Variants in MYO15A observed in about 807,000 individuals in gnomAD.
MYO15A encodes the protein unconventional myosin-XV.
A neutral mutation model predicts 394.6 loss-of-function variants in MYO15A; 308 were observed. That is an observed-to-expected ratio of 0.78 (90% CI 0.71 to 0.86). The LOEUF (loss-of-function observed/expected upper bound fraction) is 0.86, where lower values mean the gene tolerates loss of function less well. Ranked by LOEUF, MYO15A falls within the 40% of genes least tolerant of loss-of-function variation. The probability of loss-of-function intolerance (pLI) is 0.00; values close to 1 mark genes in which losing one functional copy is unlikely to be tolerated. For missense variants in MYO15A, 4,606 were observed against 4,799.1 expected (o/e 0.96, Z 1.19); for synonymous variants, 1,957 against 2,003.8 (o/e 0.98, Z 0.62).
rs1047204307 is a variant in MYO15A, at chr17:18,119,129, G to A, written c.329G>A (p.Arg110His). The A allele has an allele frequency of 3.1e-6, 5 of 1,611,880 alleles. No homozygotes were observed. Among genetic ancestry groups the A allele is most frequent in the African/African-American group, 1.3e-5 (1 of 74,922 alleles). Residue 110 changes from arginine to histidine, a missense_variant, in exon 2 of 66, where the codon CGC becomes CAC. Arg to His is a conservative substitution (Grantham distance 29, BLOSUM62 0). Coordinates refer to ENST00000647165, the MANE Select transcript of MYO15A (RefSeq NM_016239.4). The stretch of plus-strand genomic sequence containing the variant: ...AAGAAGCCGTCCTTCATGGTGATCC[G>A]CTTCCCAGGCCGCCGTGGCTACGGC... ...KGKKPSFMVI[R>H]FPGRRGYGRL...
At chr17:18,129,677 G>A (rs970781506) in intron 7 of MYO15A, among the ~76,000 whole-genome samples, 1 of 152,300 alleles carries the variant, frequency 6.6e-6, no homozygotes, top group African/African-American at 2.4e-5. Context: ...CCCTGGGCAT[G>A]TCATTTCACC....
chr17:18,161,641 G>A (rs1054045298), intron 57 of MYO15A, among the ~76,000 whole-genome samples, 194 bp downstream of exon 57: 1 of 152,238 alleles, frequency 6.6e-6, no homozygotes, highest in South Asian at 2.1e-4. Flanking sequence ...CTGATCTAAT[G>A]GAGGGGGTGG....
At chr17:18,135,668 G>A in intron 12 of MYO15A, 43 bp from the exon 13 acceptor site, 2 of 1,573,986 alleles carry the variant, frequency 1.3e-6, no homozygotes, top group South Asian at 1.1e-5. Flanking sequence ...TTTAAATTTA[G>A]CCTATCTAGT....
chr17:18,130,955 A>C, intron 8 of MYO15A, 145 bp downstream of exon 8: 1 of 954,372 alleles, frequency 1.0e-6, no homozygotes, highest in East Asian at 2.6e-5. Context: ...GGCCTGTCCT[A>C]GGCAGGGCTG....
chr17:18,157,931 G>GGGGGGCCC, intron 51 of MYO15A, 31 bp downstream of exon 51: 2 of 412,722 alleles, frequency 4.8e-6, no homozygotes, highest in Non-Finnish European at 9.0e-6. Context: ...GTGGGGCGGG[G>GGGGGGCCC]TAGACCAGGG....
chr17:18,138,881 A>G lies in MYO15A; in HGVS notation c.5078A>G (p.Lys1693Arg). Residue 1693 changes from lysine (K) to arginine (R), a missense_variant, in exon 18 of 66, where the codon AAG (lysine) becomes AGG (arginine). Lys to Arg is a conservative substitution (Grantham distance 26). This residue lies in a region of MYO15A where 2,776 missense variants were observed against 3,109.3 expected (regional missense o/e 0.89). Coordinates refer to ENST00000647165, the MANE Select transcript of MYO15A (RefSeq NM_016239.4). ...HGANPLYSKPKMPLPEFTIKH... is the reference protein window; with the variant it reads ...HGANPLYSKPRMPLPEFTIKH... The stretch of plus-strand genomic sequence containing the variant: ...GCCAACCCGCTCTATTCCAAACCCA[A>G]GATGCCGCTGCCTGAGTTCACCATC... 6.2e-7 allele frequency: 1 copy of G among 1,613,576 alleles called. No individual in the cohort carries two copies.
At position 18,178,797 on chromosome 17, in the gene MYO15A, T is replaced by A; in HGVS notation, c.10520T>A (p.Val3507Glu). 6.2e-7 allele frequency: 1 copy of A among 1,614,018 alleles called. No homozygotes were observed. Among genetic ancestry groups the A allele is most frequent in the Non-Finnish European group, 8.5e-7 (1 of 1,180,022 alleles). The change falls in exon 66 of 66, where the codon GTG (valine) becomes GAG (glutamate). Residue 3507 changes from valine to glutamate, a missense_variant. Physicochemically the swap from Val to Glu is moderately radical, Grantham distance 121. This residue lies in a region of MYO15A where 2,776 missense variants were observed against 3,109.3 expected (regional missense o/e 0.89). Coordinates refer to ENST00000647165, the MANE Select transcript of MYO15A (RefSeq NM_016239.4). Reference sequence around the variant, plus strand: ...CTGGAACTGTGTCGTGTGGTGGCCGTGCACGTGGAGAACCTGCTCAGTGCC... The same window carrying A: ...CTGGAACTGTGTCGTGTGGTGGCCGAGCACGTGGAGAACCTGCTCAGTGCC... ...QGLELCRVVA[V>E]HVENLLSAHE...
At position 18,119,144 on chromosome 17, in the gene MYO15A, G is replaced by C. The variant is rs756676520; in HGVS notation, c.344G>C (p.Arg115Pro). Residue 115 changes from arginine to proline, a missense_variant, in exon 2 of 66, where the codon CGT (arginine) becomes CCT (proline). Arg to Pro is a moderately radical substitution (Grantham distance 103). Transcript: ENST00000647165. ...SFMVIRFPGR[R>P]GYGRLRPRAR... ...ATGGTGATCCGCTTCCCAGGCCGCC[G>C]TGGCTACGGCCGCCTGCGGCCGCGC... is the stretch of plus-strand genomic sequence containing the variant. 2 of 1,611,720 alleles carry C rather than the reference G, an allele frequency of 1.2e-6. No individual in the cohort carries two copies. Among genetic ancestry groups the C allele is most frequent in the Non-Finnish European group, 1.7e-6 (2 of 1,179,540 alleles).
In MYO15A at chr17:18,148,123, G is replaced by A; in HGVS notation, c.6604G>A (p.Ala2202Thr). The change falls in exon 31 of 66, where the codon GCT becomes ACT. Residue 2202 changes from alanine to threonine, a missense_variant. By Grantham distance (58) the Ala-to-Thr change is moderately conservative. This residue lies in a region of MYO15A where 2,776 missense variants were observed against 3,109.3 expected (regional missense o/e 0.89). Coordinates refer to ENST00000647165, the MANE Select transcript of MYO15A (RefSeq NM_016239.4). The surrounding 1 kb of genome is among the most constrained non-coding windows in gnomAD (Gnocchi z 4.8). ...CCGGGCCCAACAGCAGGGCTCGGGG[G>A]CTGCCCGCACCTTACCCCCGACCCA... ...MGRAQQQGSG[A>T]ARTLPPTQLE... The A allele has an allele frequency of 6.2e-7, 1 of 1,613,850 alleles. No homozygotes were observed. Among genetic ancestry groups the A allele is most frequent in the Non-Finnish European group, 8.5e-7 (1 of 1,180,036 alleles).
intron 4 of MYO15A, among the ~76,000 whole-genome samples, chr17:18,125,905 A>G (rs2046029567): frequency 6.6e-6 from 1 of 151,924 alleles, no homozygotes; most frequent in Non-Finnish European, 1.5e-5. Flanking sequence ...TGACCTGAGA[A>G]TGACAGAACA....
chr17:18,136,507 G>A lies in MYO15A; in HGVS notation c.4655+32G>A, dbSNP rs116533939. 1.9e-4 allele frequency: 304 copies of A among 1,613,692 alleles called. No individual in the cohort carries two copies. The African/African-American group carries it at 3.3e-3, about 18-fold the overall frequency. On this transcript the variant is annotated intron_variant, in intron 14 of 65. Transcript: ENST00000647165. ...CCACGCCCTCCCCTGCCTGAGCCCC[G>A]AGGCCCAGCACCCCACCACGGTGTC...
rs374721919 is a variant in MYO15A at position 18,157,783 on chromosome 17, C to A, written c.8850C>A (p.Pro2950=). Reference sequence around the variant, plus strand: ...GCTTCCCTTCGGAGCTGGTGCAGCCCGCTGCTGCCCCCGACTTCCTGCAGC... The same window carrying A: ...GCTTCCCTTCGGAGCTGGTGCAGCCAGCTGCTGCCCCCGACTTCCTGCAGC... ...VGRFPSELVQ[P]AAAPDFLQLP... Residue 2950 remains proline, a synonymous_variant, in exon 51 of 66, where the codon CCC becomes CCA. Transcript: ENST00000647165. 9.3e-5 allele frequency: 149 copies of A among 1,604,294 alleles called. No homozygotes were observed. The highest frequency in any genetic ancestry group is 1.2e-4 in the Non-Finnish European group (146 of 1,179,554).
intron 61 of MYO15A, among the ~76,000 whole-genome samples, chr17:18,167,335 G>C (rs772573434): frequency 1.3e-5 from 2 of 152,214 alleles, no homozygotes; most frequent in Non-Finnish European, 2.9e-5. Context: ...TTGATGCTCT[G>C]CTCTCACCAG....
rs1438763545 is a variant in MYO15A, at chr17:18,119,576, C to T, written c.776C>T (p.Pro259Leu). The T allele has an allele frequency of 1.2e-6, 2 of 1,605,936 alleles. No individual in the cohort carries two copies. The highest frequency in any genetic ancestry group is 1.7e-5 in the Admixed American group (1 of 60,014). Residue 259 changes from proline (P) to leucine (L), a missense_variant, in exon 2 of 66, where the codon CCC (proline) becomes CTC (leucine). By Grantham distance (98) the Pro-to-Leu change is moderately conservative. Around this residue, in one of 2 missense-constraint regions of MYO15A, gnomAD observed 1,830 missense variants for 1,689.7 expected, o/e 1.08. Coordinates refer to ENST00000647165, the MANE Select transcript of MYO15A (RefSeq NM_016239.4). ...QSLHRYEEQE[P>L]YLAGLGPYSP... is the part of the protein sequence containing the mutation. ...CTCCACCGCTACGAGGAGCAGGAACCCTACCTGGCGGGCCTCGGCCCCTAC... is the reference window on the plus strand; with the variant it reads ...CTCCACCGCTACGAGGAGCAGGAACTCTACCTGGCGGGCCTCGGCCCCTAC...
rs760227876 is a variant in MYO15A, at chr17:18,119,741, C to A, written c.941C>A (p.Pro314His). ...GGCTACGGCTACGACGATTACGAAC[C>A]CCCATATGCGCCCCCGTCGGGGTAC... ...TYGYGYDDYE[P>H]PYAPPSGYSS... The change falls in exon 2 of 66, where the codon CCC becomes CAC. Residue 314 changes from proline (P) to histidine (H), a missense_variant. This residue lies in a region of MYO15A where 1,830 missense variants were observed against 1,689.7 expected (regional missense o/e 1.08). Coordinates refer to ENST00000647165, the MANE Select transcript of MYO15A (RefSeq NM_016239.4). 1 of 1,612,772 alleles carries A rather than the reference C, an allele frequency of 6.2e-7. No individual in the cohort carries two copies.
At position 18,147,896 on chromosome 17, in the gene MYO15A, T is replaced by A; in HGVS notation, c.6510-133T>A. On this transcript the variant is annotated intron_variant, in intron 30 of 65. Transcript: ENST00000647165. This position sits in a 1 kb window ranked among gnomAD's most constrained non-coding sequence, Gnocchi z 4.4. The stretch of plus-strand genomic sequence containing the variant: ...GAACCAGCCTGGAGCCTTTTTAGCC[T>A]CACCTTGGAGCTCTGGAGTAGCCTG... The A allele has an allele frequency of 1.7e-6, 2 of 1,176,374 alleles. No homozygotes were observed. Among genetic ancestry groups the A allele is most frequent in the Non-Finnish European group, 2.5e-6 (2 of 803,972 alleles). The allele number at this position is 1,176,374 out of a possible 1,614,324, so 72.9% of individuals were successfully genotyped here.
At chr17:18,123,044 A>T (rs1241412443) in intron 2 of MYO15A, 1 of 152,506 alleles carries the variant, frequency 6.6e-6, no homozygotes, top group Admixed American at 6.5e-5. Flanking sequence ...AGCCCTTCGG[A>T]TGGGTGCCCA....
Position 18,150,697 on chromosome 17 carries a change from G to T in MYO15A, c.7328-1G>T, listed in dbSNP as rs759532013. On this transcript the variant is annotated splice_acceptor_variant, in intron 36 of 65. Transcript: ENST00000647165. LOFTEE classifies it high-confidence loss of function. The surrounding 1 kb of genome is among the most constrained non-coding windows in gnomAD (Gnocchi z 4.4). ...CTGTGCCTTCTGCCCCCTCCCCTCA[G>T]TCCCAGGCCTGGATGCCTCCACATT... The T allele has an allele frequency of 1.9e-6, 3 of 1,590,086 alleles. No homozygotes were observed. The South Asian group carries it at 3.4e-5, about 18-fold the overall frequency.
At chr17:18,137,740 G>A in intron 16 of MYO15A, 61 bp downstream of exon 16, 1 of 1,533,060 alleles carries the variant, frequency 6.5e-7, no homozygotes, top group South Asian at 1.1e-5. Flanking sequence ...CCTCCTTGGA[G>A]ACAGATGAGG....
Sources: allele counts gnomAD v4.1 joint callset (sites outside exome capture counted in the v4.1 genomes callset), GRCh38; gene constraint gnomAD v4.1.1; regional missense constraint gnomAD v4.1.1; non-coding constraint Gnocchi (gnomAD v3.1); transcripts MANE v1.5; gene names NCBI Gene and HGNC (gene_info 2026-07-23, HGNC 2026-07-21).